Variants in CD80 observed in about 807,000 individuals in gnomAD.
The protein encoded by CD80 is T-lymphocyte activation antigen CD80.
Under a neutral mutation model 27.1 loss-of-function variants are expected in CD80, and 13 were observed. That is an observed-to-expected ratio of 0.48 (90% CI 0.31 to 0.76). CD80 has a LOEUF of 0.76. CD80 is among the 30% of genes least tolerant of loss of function. The pLI, the probability that CD80 is intolerant of heterozygous loss-of-function variation, is 0.04. For synonymous variants in CD80, 125 were observed against 125.5 expected (o/e 1.00, Z 0.03); for missense variants, 277 against 347.9 (o/e 0.80, Z 1.62).
intron 2 of CD80, among the ~76,000 whole-genome samples, chr3:119,554,327 G>A (rs1186211603): frequency 6.6e-6 from 1 of 152,072 alleles, no homozygotes; most frequent in East Asian, 1.9e-4. Context: ...AAACTTATAG[G>A]CAATGCTTTT....
intron 4 of CD80, among the ~76,000 whole-genome samples, chr3:119,536,421 A>G (rs1308768400): frequency 2.0e-5 from 3 of 152,014 alleles, no homozygotes; most frequent in African/African-American, 7.2e-5. Flanking sequence ...GCTCACTGCA[A>G]CTTTGAACAC....
chr3:119,526,150 G>T (rs2082065115), intron 6 of CD80, among the ~76,000 whole-genome samples: 1 of 152,024 alleles, frequency 6.6e-6, no homozygotes, highest in Non-Finnish European at 1.5e-5. Flanking sequence ...CTATGTGTGG[G>T]GCTCTCAGGC....
chr3:119,549,948 G>A (rs2107746793), intron 2 of CD80, among the ~76,000 whole-genome samples: 2 of 152,262 alleles, frequency 1.3e-5, no homozygotes, highest in South Asian at 4.2e-4. Context: ...CCATTGACTT[G>A]GATTCTAGTC....
At chr3:119,527,649 G>C in intron 6 of CD80, 84 bp downstream of exon 6, 1 of 761,778 alleles carries the variant, frequency 1.3e-6, no homozygotes, top group Non-Finnish European at 2.2e-6. Context: ...TGAGGTAGTG[G>C]GTAAAACAGC....
chr3:119,542,511 G>A (rs1577110213), intron 3 of CD80, among the ~76,000 whole-genome samples: 1 of 152,162 alleles, frequency 6.6e-6, no homozygotes, highest in Non-Finnish European at 1.5e-5. Context: ...TTTCAACTGT[G>A]AGAAAATGGC....
intron 2 of CD80, among the ~76,000 whole-genome samples, chr3:119,552,437 C>A (rs2082238205): frequency 7.2e-6 from 1 of 139,344 alleles, no homozygotes; most frequent in African/African-American, 2.6e-5. Flanking sequence ...GGCGTGAAGC[C>A]GGGAGGCGGA....
chr3:119,548,461 C>A (rs2082212835), intron 2 of CD80, among the ~76,000 whole-genome samples: 1 of 152,132 alleles, frequency 6.6e-6, no homozygotes, highest in Non-Finnish European at 1.5e-5. Flanking sequence ...AAACGATGTG[C>A]TCAGCCCCAG....
At chr3:119,538,508 A>G (rs1308989790) in intron 3 of CD80, among the ~76,000 whole-genome samples, 1 of 152,148 alleles carries the variant, frequency 6.6e-6, no homozygotes, top group Non-Finnish European at 1.5e-5. Flanking sequence ...GGTAATCACT[A>G]TCACTATCCT....
chr3:119,529,033 C>G (rs960519749), intron 5 of CD80, among the ~76,000 whole-genome samples: 5 of 151,562 alleles, frequency 3.3e-5, no homozygotes, highest in African/African-American at 1.2e-4. Flanking sequence ...TCTCCGCCTC[C>G]TGGGTTCCTG....
chr3:119,540,238 C>T, intron 3 of CD80, among the ~76,000 whole-genome samples: 1 of 152,206 alleles, frequency 6.6e-6, no homozygotes, highest in Non-Finnish European at 1.5e-5. Flanking sequence ...CGTGAGCCAC[C>T]ACACCCAGCC....
At chr3:119,549,672 A>G (rs1260011779) in intron 2 of CD80, among the ~76,000 whole-genome samples, 3 of 152,214 alleles carry the variant, frequency 2.0e-5, no homozygotes, top group African/African-American at 7.2e-5. Flanking sequence ...GCACTGAACA[A>G]GAGAGTTTTG....
intron 2 of CD80, among the ~76,000 whole-genome samples, chr3:119,554,508 C>T (rs140094186): frequency 1.2e-4 from 18 of 152,238 alleles, no homozygotes; most frequent in Non-Finnish European, 1.5e-4. Context: ...TAAAGTCAGG[C>T]GTTTCTGCCT....
chr3:119,551,965 C>T (rs1339097667), intron 2 of CD80, among the ~76,000 whole-genome samples: 1 of 152,206 alleles, frequency 6.6e-6, no homozygotes, highest in African/African-American at 2.4e-5. Context: ...TGAAAGGAGG[C>T]GGAGAGAAGG....
chr3:119,535,674 T>G (rs1005725689), intron 4 of CD80, among the ~76,000 whole-genome samples: 3 of 152,158 alleles, frequency 2.0e-5, no homozygotes, highest in African/African-American at 7.2e-5. Flanking sequence ...CAAAATGACC[T>G]CTTTTCAGGC....
At position 119,536,646 on chromosome 3, in the gene CD80, A is replaced by C. The variant is rs947047244; in HGVS notation, c.700+491T>G. Among the ~76,000 whole-genome samples the C allele has an allele frequency of 1.3e-5, 2 of 152,204 alleles. 1 individual carries two copies. The highest frequency in any genetic ancestry group is 4.1e-4 in the South Asian group (2 of 4,826). ...AGCCACTGTGCCCAGTCTCACAGTGACTTTAATAAGTCATAATAGCACATG... is the reference window on the plus strand; with the variant it reads ...AGCCACTGTGCCCAGTCTCACAGTGCCTTTAATAAGTCATAATAGCACATG... On this transcript the variant is annotated intron_variant, in intron 4 of 6. Coordinates refer to ENST00000264246, the MANE Select transcript of CD80 (RefSeq NM_005191.4).
chr3:119,531,292 A>G lies in CD80; in HGVS notation c.701-1355T>C, dbSNP rs548693733. 3.3e-5 allele frequency among the ~76,000 whole-genome samples: 5 copies of G among 152,368 alleles called. No homozygotes were observed. The South Asian group carries it at 1.0e-3, about 32-fold the overall frequency. ...CATATACAGAATCCCCACATCTGGA[A>G]CATTTCTCAGCACCTCCATATTTCT... is the stretch of plus-strand genomic sequence containing the variant. On this transcript the variant is annotated intron_variant, in intron 4 of 6. Transcript: ENST00000264246.
chr3:119,543,887 CTTTT>C (rs71619749), intron 3 of CD80, among the ~76,000 whole-genome samples: 7 of 99,106 alleles, frequency 7.1e-5, no homozygotes, highest in African/African-American at 8.7e-5. Flanking sequence ...CTCCATTGTT[CTTTT>C]TTTTTTTTTT....
intron 4 of CD80, 76 bp downstream of exon 4, chr3:119,537,061 A>G (rs2107742013): frequency 7.9e-7 from 1 of 1,268,652 alleles, no homozygotes; most frequent in Non-Finnish European, 1.1e-6. Flanking sequence ...AAATGTATCC[A>G]CATCATTAAA....
chr3:119,539,994 C>G (rs903749231), intron 3 of CD80, among the ~76,000 whole-genome samples: 1 of 152,214 alleles, frequency 6.6e-6, no homozygotes, highest in Non-Finnish European at 1.5e-5. Context: ...TAGTCTCACT[C>G]TGTTGCCCAG....
Sources: allele counts gnomAD v4.1 joint callset (sites outside exome capture counted in the v4.1 genomes callset), GRCh38; gene constraint gnomAD v4.1.1; transcripts MANE v1.5; gene names NCBI Gene and HGNC (gene_info 2026-07-23, HGNC 2026-07-21).